Variants in JCAD observed in about 807,000 individuals in gnomAD.
JCAD encodes the protein junctional cadherin 5 associated.
In JCAD, 40 loss-of-function variants were observed where a neutral mutation model predicts 98.0. The ratio of observed to expected loss-of-function variants is 0.41; its 90% CI spans 0.32 to 0.53. JCAD has a LOEUF of 0.53. Ranked by LOEUF, JCAD falls within the 20% of genes least tolerant of loss-of-function variation. JCAD has a pLI of 0.31. For missense variants in JCAD, 1,705 were observed against 1,738.1 expected (o/e 0.98, Z 0.34); for synonymous variants, 691 against 682.3 (o/e 1.01, Z -0.20).
chr10:30,044,833 A>G (rs1837304453), intron 2 of JCAD: 1 of 982,864 alleles, frequency 1.0e-6, no homozygotes, highest in Non-Finnish European at 1.2e-6. Flanking sequence ...CCTAAAAAAA[A>G]AAAAAAGTCT....
chr10:30,081,785 C>T (rs571772717), intron 1 of JCAD, among the ~76,000 whole-genome samples: 9 of 152,204 alleles, frequency 5.9e-5, no homozygotes, highest in East Asian at 1.9e-4. Context: ...ACCGACATGC[C>T]GCTGCCTAGA....
intron 2 of JCAD, among the ~76,000 whole-genome samples, chr10:30,036,796 G>A (rs993042836): frequency 2.0e-5 from 3 of 152,258 alleles, no homozygotes; most frequent in Non-Finnish European, 2.9e-5. Flanking sequence ...TGGTCATTGG[G>A]GTGGGGCTGG....
At chr10:30,020,197 C>T (rs1274214142) in intron 3 of JCAD, among the ~76,000 whole-genome samples, 1 of 151,704 alleles carries the variant, frequency 6.6e-6, no homozygotes, top group Admixed American at 6.6e-5. Context: ...TGTGGTGGTA[C>T]ATGCCTGTAG....
At chr10:30,102,701 G>A (rs114372293) in intron 1 of JCAD, among the ~76,000 whole-genome samples, 8 of 152,156 alleles carry the variant, frequency 5.3e-5, no homozygotes, top group African/African-American at 1.4e-4. Context: ...TTTGCCCTTC[G>A]GTGCCTGGCT....
Position 30,027,912 on chromosome 10 carries a change from T to C in JCAD, c.2236A>G (p.Ser746Gly). Residue 746 changes from serine to glycine, a missense_variant, in exon 3 of 4, where the codon AGT becomes GGT. Ser to Gly is a moderately conservative substitution (Grantham distance 56, BLOSUM62 0). Transcript: ENST00000375377. ...FPTGDHKQRP[S>G]ARNLKGHRSL... The stretch of plus-strand genomic sequence containing the variant: ...CTGTGACCTTTCAGGTTACGGGCAC[T>C]TGGCCTCTGTTTGTGATCACCGGTA... The C allele has an allele frequency of 6.2e-7, 1 of 1,614,246 alleles. No homozygotes were observed. Among genetic ancestry groups the C allele is most frequent in the Non-Finnish European group, 8.5e-7 (1 of 1,180,040 alleles).
Position 30,017,911 on chromosome 10 carries a change from T to C in JCAD, c.4052A>G (p.Tyr1351Cys). 1 of 1,610,966 alleles carries C rather than the reference T, an allele frequency of 6.2e-7. No individual in the cohort carries two copies. The highest frequency in any genetic ancestry group is 8.5e-7 in the Non-Finnish European group (1 of 1,178,210). Reference sequence around the variant, plus strand: ...CACCCTCTCCACTCTGCTAGGGTCATAGGAATCTGTAAAATAAGAAAAGAA... The same window carrying C: ...CACCCTCTCCACTCTGCTAGGGTCACAGGAATCTGTAAAATAAGAAAAGAA... ...MDQDFWCPDSYDPSRVERV is the reference protein window; with the variant it reads ...MDQDFWCPDSCDPSRVERV The change falls in exon 4 of 4, where the codon TAT (tyrosine) becomes TGT (cysteine). Residue 1351 changes from tyrosine (Y) to cysteine (C), a missense_variant. By Grantham distance (194) the Tyr-to-Cys change is radical. Coordinates refer to ENST00000375377, the MANE Select transcript of JCAD (RefSeq NM_020848.4).
chr10:30,074,997 G>A (rs113647598), intron 1 of JCAD, among the ~76,000 whole-genome samples: 1 of 152,040 alleles, frequency 6.6e-6, no homozygotes, highest in Non-Finnish European at 1.5e-5. Flanking sequence ...TCACTATGTT[G>A]CCCAGGCTGA....
chr10:30,019,077 C>T (rs954349807), intron 3 of JCAD, among the ~76,000 whole-genome samples: 1 of 152,020 alleles, frequency 6.6e-6, no homozygotes, highest in African/African-American at 2.4e-5. Context: ...ATTATATAGC[C>T]GGGCACAGTG....
At chr10:30,031,750 A>ATTTT (rs1177691710) in intron 2 of JCAD, among the ~76,000 whole-genome samples, 31 of 63,360 alleles carry the variant, frequency 4.9e-4, no homozygotes, top group African/African-American at 1.1e-3. Flanking sequence ...CCCCATCTGT[A>ATTTT]TTTTTTTTTT....
At chr10:30,039,343 C>A (rs916757008) in intron 2 of JCAD, among the ~76,000 whole-genome samples, 3 of 152,206 alleles carry the variant, frequency 2.0e-5, no homozygotes, top group Non-Finnish European at 2.9e-5. Context: ...GGTGACTGCA[C>A]GCAGGGCAGA....
At chr10:30,078,576 G>A (rs1838020447) in intron 1 of JCAD, among the ~76,000 whole-genome samples, 3 of 152,122 alleles carry the variant, frequency 2.0e-5, no homozygotes, top group Admixed American at 1.3e-4. Context: ...TGAGGACAAC[G>A]ATGATTGCTC....
chr10:30,066,604 G>T (rs1430706542), intron 2 of JCAD, among the ~76,000 whole-genome samples: 1 of 152,198 alleles, frequency 6.6e-6, no homozygotes, highest in Non-Finnish European at 1.5e-5. Flanking sequence ...GCAGACAGGG[G>T]TGTGGCCAGC....
Position 30,032,097 on chromosome 10 carries a change from A to G in JCAD, c.282-2231T>C, listed in dbSNP as rs199957111. ...AGCATTTCAGAGGATTCTTATCCTC[A>G]ATTTTGGGAAACACTGCTAGGGCTT... On this transcript the variant is annotated intron_variant, in intron 2 of 3. Transcript: ENST00000375377. Among the ~76,000 whole-genome samples, 16 of 151,704 alleles carry G rather than the reference A, an allele frequency of 1.1e-4. No homozygotes were observed. The East Asian group carries it at 2.9e-3, about 27-fold the overall frequency.
At chr10:30,056,299 A>G (rs1256293286) in intron 1 of JCAD, among the ~76,000 whole-genome samples, 1 of 152,198 alleles carries the variant, frequency 6.6e-6, no homozygotes, top group East Asian at 1.9e-4. Context: ...GTCTTTATCA[A>G]AGTGTTTGAC....
At chr10:30,035,831 G>C (rs1837097050) in intron 2 of JCAD, among the ~76,000 whole-genome samples, 1 of 152,138 alleles carries the variant, frequency 6.6e-6, no homozygotes, top group African/African-American at 2.4e-5. Context: ...GAGTTCAATG[G>C]GACAAGCAGG....
intron 2 of JCAD, among the ~76,000 whole-genome samples, chr10:30,037,848 T>C (rs1837148472): frequency 6.6e-6 from 1 of 150,752 alleles, no homozygotes; most frequent in Admixed American, 6.7e-5. Flanking sequence ...TGGAAGCCCC[T>C]GAAGTCGCAG....
intron 1 of JCAD, among the ~76,000 whole-genome samples, chr10:30,104,564 G>C (rs530452742): frequency 6.6e-6 from 1 of 152,194 alleles, no homozygotes; most frequent in East Asian, 1.9e-4. Flanking sequence ...ACACACTGGG[G>C]ACCACTAGAG....
rs1387312496 is a variant in JCAD, at chr10:30,016,901, T to G, written c.*982A>C. On this transcript the variant is annotated 3_prime_UTR_variant, in exon 4 of 4. Transcript: ENST00000375377. ...ATGTCTATATTGACATTTTCTAAGA[T>G]AAAATAAAAGTAGCAGAGTTGTCAG... 1 of 152,154 alleles carries G rather than the reference T, an allele frequency of 6.6e-6. No individual in the cohort carries two copies. Among genetic ancestry groups the G allele is most frequent in the Non-Finnish European group, 1.5e-5 (1 of 68,018 alleles). The allele number at this position is 152,154 out of a possible 1,614,324, so 9.4% of individuals were successfully genotyped here.
chr10:30,100,536 C>T (rs1838453778), intron 1 of JCAD, among the ~76,000 whole-genome samples: 1 of 152,104 alleles, frequency 6.6e-6, no homozygotes, highest in Admixed American at 6.6e-5. Flanking sequence ...CACCCACCAC[C>T]ACACCCAGCT....
Sources: allele counts gnomAD v4.1 joint callset (sites outside exome capture counted in the v4.1 genomes callset), GRCh38; gene constraint gnomAD v4.1.1; transcripts MANE v1.5; gene names NCBI Gene and HGNC (gene_info 2026-07-23, HGNC 2026-07-21).